Variants in SUPT3H observed in about 807,000 individuals in gnomAD.
SUPT3H encodes SPT3 homolog, SAGA and STAGA complex component, also known as transcription initiation protein SPT3 homolog.
In SUPT3H, 44 loss-of-function variants were observed where a neutral mutation model predicts 44.3. The ratio of observed to expected loss-of-function variants is 0.99; its 90% confidence interval spans 0.78 to 1.28. The LOEUF (loss-of-function observed/expected upper bound fraction) is 1.28. Among genes scored for constraint, SUPT3H ranks in the 50% most tolerant of loss-of-function variants. The probability of loss-of-function intolerance (pLI) is 0.00; values close to 1 mark genes in which losing one functional copy is unlikely to be tolerated. For synonymous variants in SUPT3H, 124 were observed against 125.6 expected (o/e 0.99, Z 0.09); for missense variants, 380 against 387.1 (o/e 0.98, Z 0.15).
intron 3 of SUPT3H, chr6:45,098,291 C>A: frequency 6.4e-6 from 1 of 155,274 alleles, no homozygotes; most frequent in South Asian, 2.0e-4. Flanking sequence ...AAAGCATGGT[C>A]TGCCCATCCA....
chr6:45,154,813 T>C (rs189030330), intron 2 of SUPT3H, among the ~76,000 whole-genome samples: 8 of 152,338 alleles, frequency 5.3e-5, no homozygotes, highest in Admixed American at 3.3e-4. Flanking sequence ...CCCTGTGTTA[T>C]ACCTGTTAAA....
At chr6:44,948,624 A>G (rs1377813741) in intron 9 of SUPT3H, among the ~76,000 whole-genome samples, 1 of 152,250 alleles carries the variant, frequency 6.6e-6, no homozygotes, top group Non-Finnish European at 1.5e-5. Flanking sequence ...TATGCAGCCA[A>G]AAAACACATG....
chr6:45,169,830 G>C (rs917584978), intron 2 of SUPT3H, among the ~76,000 whole-genome samples: 1 of 152,196 alleles, frequency 6.6e-6, no homozygotes, highest in Admixed American at 6.5e-5. Flanking sequence ...AATAGTCAAA[G>C]TATATGAATA....
intron 10 of SUPT3H, among the ~76,000 whole-genome samples, chr6:44,852,767 G>T (rs965820119): frequency 7.9e-5 from 12 of 152,148 alleles, no homozygotes; most frequent in Non-Finnish European, 1.5e-5. Context: ...AAAAGGTCTT[G>T]CTCTCCCACA....
At chr6:45,333,831 A>T (rs1788005665) in intron 2 of SUPT3H, among the ~76,000 whole-genome samples, 1 of 151,182 alleles carries the variant, frequency 6.6e-6, no homozygotes, top group African/African-American at 2.4e-5. Context: ...TCCAATATAC[A>T]CCCAAGGAAC....
chr6:45,244,538 T>C (rs976444807), intron 2 of SUPT3H, among the ~76,000 whole-genome samples: 6 of 152,160 alleles, frequency 3.9e-5, no homozygotes, highest in Non-Finnish European at 8.8e-5. Context: ...CCCACTACCT[T>C]TTCCTGAAAA....
chr6:45,151,238 T>C (rs1806924242), intron 2 of SUPT3H, among the ~76,000 whole-genome samples: 2 of 152,044 alleles, frequency 1.3e-5, no homozygotes, highest in South Asian at 4.1e-4. Context: ...CTTAATAAAT[T>C]TTAGTACTTA....
chr6:45,350,939 C>T lies in SUPT3H; in HGVS notation c.101+14262G>A, dbSNP rs576593573. ...GAACACTACCACCTCAGCTCTACCT[C>T]GTGTCAGATCAGTAGCAGCATTAGA... On this transcript the variant is annotated intron_variant, in intron 2 of 10. Transcript: ENST00000371459. 4.6e-5 allele frequency among the ~76,000 whole-genome samples: 7 copies of T among 152,278 alleles called. No individual in the cohort carries two copies. The South Asian group carries it at 1.5e-3, about 32-fold the overall frequency.
intron 2 of SUPT3H, chr6:45,322,842 A>G: frequency 5.2e-6 from 8 of 1,533,924 alleles, no homozygotes; most frequent in Non-Finnish European, 7.2e-6. Flanking sequence ...AGTTAGATTC[A>G]TCCAAAAGCA....
chr6:45,350,074 A>G (rs1791703178), intron 2 of SUPT3H, among the ~76,000 whole-genome samples: 3 of 152,228 alleles, frequency 2.0e-5, no homozygotes, highest in Admixed American at 1.3e-4. Flanking sequence ...TTTTATACAC[A>G]AAACTATAAA....
intron 2 of SUPT3H, among the ~76,000 whole-genome samples, chr6:45,119,376 C>A (rs1281690036): frequency 2.6e-5 from 4 of 152,078 alleles, no homozygotes; most frequent in South Asian, 2.1e-4. Context: ...TGTATGTGGG[C>A]ACTCAATGTA....
intron 5 of SUPT3H, among the ~76,000 whole-genome samples, chr6:45,013,716 A>G (rs1004676841): frequency 6.6e-6 from 1 of 152,068 alleles, no homozygotes; most frequent in Non-Finnish European, 1.5e-5. Flanking sequence ...CCTGCCTAGA[A>G]TAAAGCTTTT....
At chr6:44,818,224 G>T (rs911326313) in intron 11 of SUPT3H, among the ~76,000 whole-genome samples, 4 of 151,786 alleles carry the variant, frequency 2.6e-5, no homozygotes, top group African/African-American at 9.7e-5. Flanking sequence ...TCAACGAGTG[G>T]TATTGAAACT....
chr6:45,049,602 C>T (rs1018495261), intron 3 of SUPT3H, among the ~76,000 whole-genome samples: 5 of 152,112 alleles, frequency 3.3e-5, no homozygotes, highest in East Asian at 1.9e-4. Flanking sequence ...CTCACAGTTG[C>T]GCCAACTCAG....
In SUPT3H at chr6:44,949,401, T is replaced by TA. The variant is rs56839568; in HGVS notation, c.801+3908dup. On this transcript the variant is annotated intron_variant, in intron 9 of 10. Transcript: ENST00000371459. ...ACTTAAAGTATAATTAACAAAAAAT[T>TA]AAAAAAATAAATAAATGCAAGCGGA... Among the ~76,000 whole-genome samples, 591 of 146,490 alleles carry TA rather than the reference T, an allele frequency of 4.0e-3. 8 individuals carry two copies. The highest frequency in any genetic ancestry group is 0.014 in the African/African-American group (563 of 39,750).
chr6:45,123,081 C>T (rs1054759636), intron 2 of SUPT3H, among the ~76,000 whole-genome samples: 1 of 152,080 alleles, frequency 6.6e-6, no homozygotes, highest in African/African-American at 2.4e-5. Flanking sequence ...ATTTAAAATT[C>T]TACCACATAT....
intron 2 of SUPT3H, among the ~76,000 whole-genome samples, chr6:45,209,927 CAA>C (rs1453559905): frequency 2.0e-5 from 3 of 152,152 alleles, no homozygotes; most frequent in Non-Finnish European, 2.9e-5. Flanking sequence ...CCTCTGCCAG[CAA>C]AAAGACTATG....
At chr6:45,230,686 A>ATATATATATATATTTTTTTTTTTTTTTT (rs796866510) in intron 2 of SUPT3H, among the ~76,000 whole-genome samples, 4 of 116,792 alleles carry the variant, frequency 3.4e-5, no homozygotes, top group Non-Finnish European at 5.5e-5. Context: ...ATATATATAT[A>ATATATATATATATTTTTTTTTTTTTTTT]TTTTTGAGAT....
chr6:44,901,630 C>A (rs1765077725), intron 10 of SUPT3H, among the ~76,000 whole-genome samples: 1 of 151,778 alleles, frequency 6.6e-6, no homozygotes, highest in Non-Finnish European at 1.5e-5. Flanking sequence ...CTTCCCCAAT[C>A]TAGCAAGGCA....
Sources: gnomAD v4.1 joint callset for allele counts (sites outside exome capture counted in the v4.1 genomes callset) on GRCh38, gnomAD v4.1.1 for gene constraint, MANE v1.5 for transcripts, NCBI Gene and HGNC (gene_info 2026-07-23, HGNC 2026-07-21) for gene names.